The following CRACR2A variants were observed in gnomAD, a reference collection of about 807,000 sequenced individuals.
CRACR2A encodes the protein calcium release activated channel regulator 2A, also known as EF-hand calcium-binding domain-containing protein 4B.
A neutral mutation model predicts 90.5 loss-of-function variants in CRACR2A; 79 were observed. The ratio of observed to expected loss-of-function variants is 0.87; its 90% CI spans 0.73 to 1.05. The LOEUF (loss-of-function observed/expected upper bound fraction) is 1.05, where lower values mean the gene tolerates loss of function less well. Among genes scored for constraint, CRACR2A ranks in the 50% least tolerant of loss-of-function variants. The pLI is 0.00. For synonymous variants in CRACR2A, 338 were observed against 356.7 expected (o/e 0.95, Z 0.59); for missense variants, 823 against 897.2 (o/e 0.92, Z 1.06).
chr12:3,665,431 C>T (rs1945114479), intron 7 of CRACR2A, among the ~76,000 whole-genome samples: 1 of 152,172 alleles, frequency 6.6e-6, no homozygotes, highest in Non-Finnish European at 1.5e-5. Flanking sequence ...AGTCACATTA[C>T]CTCAGTAAGC....
chr12:3,701,917 A>G (rs141921339), intron 3 of CRACR2A, among the ~76,000 whole-genome samples: 1,770 of 152,304 alleles, frequency 0.012, 11 homozygotes, highest in Non-Finnish European at 0.02. Flanking sequence ...ATCATTCTTC[A>G]GGAAATTGTA....
At chr12:3,638,080 TCATAGAA>T in intron 14 of CRACR2A, 37 bp downstream of exon 14, 1 of 1,492,518 alleles carries the variant, frequency 6.7e-7, no homozygotes, top group Non-Finnish European at 9.0e-7. Context: ...AAGAGACAGA[TCATAGAA>T]GTGATGTGCA....
chr12:3,699,520 T>C (rs1293783798), intron 3 of CRACR2A, among the ~76,000 whole-genome samples: 1 of 152,216 alleles, frequency 6.6e-6, no homozygotes. Flanking sequence ...AATCAACTAC[T>C]ATTAAATAGC....
intron 2 of CRACR2A, chr12:3,726,141 T>C (rs928426558): frequency 2.0e-5 from 3 of 151,904 alleles, no homozygotes; most frequent in Non-Finnish European, 1.5e-5. Flanking sequence ...CTAATTTTAA[T>C]AAAAGGATAA....
intron 10 of CRACR2A, among the ~76,000 whole-genome samples, chr12:3,649,017 G>A (rs1225489716): frequency 2.0e-5 from 3 of 151,902 alleles, no homozygotes; most frequent in South Asian, 4.2e-4. Context: ...TCACTCATAG[G>A]TGGGAATTGA....
chr12:3,628,046 C>CCT (rs915800283), intron 15 of CRACR2A, among the ~76,000 whole-genome samples: 1 of 133,614 alleles, frequency 7.5e-6, no homozygotes, highest in Admixed American at 7.4e-5. Context: ...TCTCTCCTTC[C>CCT]CTCTCTCTCT....
intron 17 of CRACR2A, among the ~76,000 whole-genome samples, chr12:3,621,060 T>C (rs1051560606): frequency 2.0e-5 from 3 of 152,154 alleles, no homozygotes; most frequent in Non-Finnish European, 4.4e-5. Context: ...AGCAGGGAAA[T>C]GGGCCAAGCG....
At chr12:3,716,289 G>T (rs568970260) in intron 2 of CRACR2A, among the ~76,000 whole-genome samples, 2 of 152,162 alleles carry the variant, frequency 1.3e-5, no homozygotes, top group East Asian at 3.9e-4. Context: ...TTGTTTTCAG[G>T]ATCATACTGA....
At chr12:3,659,708 T>A (rs1192682247) in intron 7 of CRACR2A, 54 bp from the exon 8 acceptor site, 8 of 1,438,386 alleles carry the variant, frequency 5.6e-6, no homozygotes. Flanking sequence ...TCCACAGCGG[T>A]AGCTCCTGGA....
At position 3,746,742 on chromosome 12, in the gene CRACR2A, A is replaced by G. The variant is rs1946633616; in HGVS notation, c.-387+6273T>C. Among the ~76,000 whole-genome samples, 1 of 152,220 alleles carries G rather than the reference A, an allele frequency of 6.6e-6. No homozygotes were observed. Among genetic ancestry groups the G allele is most frequent in the African/African-American group, 2.4e-5 (1 of 41,462 alleles). ...CATGCATGGAAGCTAATTAGGTGAG[A>G]GACTCTGCTTCTGCCTCCTGGAGAA... On this transcript the variant is annotated intron_variant, in intron 1 of 19. Transcript: ENST00000440314. This position sits in a 1 kb window ranked among gnomAD's most constrained non-coding sequence, Gnocchi z 4.4.
chr12:3,696,316 C>A (rs1945739319), intron 4 of CRACR2A, among the ~76,000 whole-genome samples: 1 of 152,208 alleles, frequency 6.6e-6, no homozygotes, highest in South Asian at 2.1e-4. Flanking sequence ...CAGGAGATTG[C>A]AGTGTATTTG....
At chr12:3,749,023 G>A (rs1946665221) in intron 1 of CRACR2A, among the ~76,000 whole-genome samples, 1 of 152,220 alleles carries the variant, frequency 6.6e-6, no homozygotes, top group South Asian at 2.1e-4. Context: ...TAGCCAAGCT[G>A]CCTGAGTTCA....
In CRACR2A at chr12:3,644,583, C is replaced by G; in HGVS notation, c.1164+12G>C. 1 of 1,551,178 alleles carries G rather than the reference C, an allele frequency of 6.4e-7. No individual in the cohort carries two copies. Among genetic ancestry groups the G allele is most frequent in the Non-Finnish European group, 8.7e-7 (1 of 1,146,942 alleles). ...TTGGTCCCCCACAGGTAAGGGAGAA[C>G]TGGCCAATTACCTGAAAACATATGT... On this transcript the variant is annotated intron_variant, in intron 12 of 19. Coordinates refer to ENST00000440314, the MANE Select transcript of CRACR2A (RefSeq NM_001144958.2).
At chr12:3,617,280 G>A (rs1010574457) in intron 18 of CRACR2A, among the ~76,000 whole-genome samples, 4 of 152,104 alleles carry the variant, frequency 2.6e-5, no homozygotes, top group African/African-American at 9.7e-5. Flanking sequence ...ACCATACGCT[G>A]TCTTAGTTCC....
chr12:3,655,616 G>A (rs545225501), intron 9 of CRACR2A, among the ~76,000 whole-genome samples: 13 of 152,324 alleles, frequency 8.5e-5, no homozygotes, highest in African/African-American at 3.1e-4. Flanking sequence ...AAGCAGTGGA[G>A]GCCACTAAGT....
chr12:3,697,325 T>C (rs888259816), intron 3 of CRACR2A, among the ~76,000 whole-genome samples: 1 of 152,186 alleles, frequency 6.6e-6, no homozygotes, highest in Non-Finnish European at 1.5e-5. Flanking sequence ...TTTCTTCCCA[T>C]TTAAACAACC....
At chr12:3,622,397 G>C (rs1429992396) in intron 17 of CRACR2A, among the ~76,000 whole-genome samples, 1 of 152,154 alleles carries the variant, frequency 6.6e-6, no homozygotes, top group Non-Finnish European at 1.5e-5. Context: ...GTGTCTCTCT[G>C]TTCCAAAGCC....
chr12:3,631,891 TCA>T (rs1944381961), intron 15 of CRACR2A, among the ~76,000 whole-genome samples: 1 of 152,158 alleles, frequency 6.6e-6, no homozygotes, highest in African/African-American at 2.4e-5. Context: ...AACCAGCTTG[TCA>T]CACAGCCAAA....
intron 2 of CRACR2A, chr12:3,731,298 G>A (rs1946357253): frequency 6.6e-6 from 1 of 152,586 alleles, no homozygotes; most frequent in South Asian, 2.1e-4. Flanking sequence ...TGGGCAGACA[G>A]AATTTCCTGC....
Sources: allele counts gnomAD v4.1 joint callset (sites outside exome capture counted in the v4.1 genomes callset), GRCh38; gene constraint gnomAD v4.1.1; non-coding constraint Gnocchi (gnomAD v3.1); transcripts MANE v1.5; gene names NCBI Gene and HGNC (gene_info 2026-07-23, HGNC 2026-07-21).